GIPC3: variants seen among roughly 807,000 people sequenced by gnomAD.
The protein encoded by GIPC3 is PDZ domain-containing protein GIPC3.
In GIPC3, 16 loss-of-function variants were observed where a neutral mutation model predicts 27.3. The observed-to-expected ratio is 0.59, with a 90% CI of 0.40 to 0.89. The LOEUF is 0.89. Ranked by LOEUF, GIPC3 falls within the 40% of genes least tolerant of loss-of-function variation. The pLI is 0.00. For missense variants in GIPC3, 440 were observed against 442.1 expected, an observed-to-expected ratio of 1.00 and a Z score of 0.04; for synonymous variants, 194 against 184.6, an observed-to-expected ratio of 1.05 and a Z score of -0.41.
rs1189612223 is a variant in GIPC3 at position 3,589,932 on chromosome 19, CA to C, written c.787+21del. The C allele has an allele frequency of 6.2e-7, 1 of 1,613,480 alleles. No individual in the cohort carries two copies. ...AGCTGGGTAAGGGGCCAGGGTAAGC[CA>C]GGGGGCCCTGGGGGGAGGGAAGCCT... On this transcript the variant is annotated intron_variant, in intron 5 of 5. Transcript: ENST00000644452.
Position 3,585,525 on chromosome 19 carries a change from G to C in GIPC3, c.-73G>C. The C allele has an allele frequency of 9.3e-7, 1 of 1,080,280 alleles. No individual in the cohort carries two copies. The allele number at this position is 1,080,280 out of a possible 1,614,324, so 66.9% of individuals were successfully genotyped here. On this transcript the variant is annotated 5_prime_UTR_variant, in exon 1 of 6. Coordinates refer to ENST00000644452, the MANE Select transcript of GIPC3 (RefSeq NM_133261.3). Reference sequence around the variant, plus strand: ...GGCTGTCGCGCCCTGGGCCGGGGGAGGGGAGGCTGCAGGAAGCGGCGGATC... The same window carrying C: ...GGCTGTCGCGCCCTGGGCCGGGGGACGGGAGGCTGCAGGAAGCGGCGGATC...
In GIPC3 at chr19:3,585,726, G is replaced by A; in HGVS notation, c.129G>A (p.Leu43=). Residue 43 remains leucine, a synonymous_variant, in exon 1 of 6, where the codon CTG becomes CTA. Transcript: ENST00000644452. The part of the protein sequence containing the change: ...ARPRLVFRTQ[L]AHGSPTGKIE... ...CGCGCCTCGTCTTCCGCACGCAGCT[G>A]GCGCACGGGAGCCCCACGGGCAAGA... is the stretch of plus-strand genomic sequence containing the variant. The A allele has an allele frequency of 1.3e-6, 2 of 1,522,242 alleles. No homozygotes were observed. The highest frequency in any genetic ancestry group is 1.8e-6 in the Non-Finnish European group (2 of 1,134,028). The allele number at this position is 1,522,242 out of a possible 1,614,324, so 94.3% of individuals were successfully genotyped here. A position where few individuals can be genotyped will look rare whatever the true frequency, so the allele number is the denominator to read the frequency against.
intron 3 of GIPC3, among the ~76,000 whole-genome samples, chr19:3,588,730 G>A (rs2032425114): frequency 6.6e-6 from 1 of 151,724 alleles, no homozygotes; most frequent in African/African-American, 2.4e-5. Flanking sequence ...GCATCACGAG[G>A]TCAGGAGTTC....
rs1177133844 is a variant in GIPC3, at chr19:3,590,527, G to T, written c.*337G>T. ...AGCACTGAGACCAAGCCCTGTTCTA[G>T]AACTCAGGCCTGCTCTGAGGCCAAG... On this transcript the variant is annotated 3_prime_UTR_variant, in exon 6 of 6. Coordinates refer to ENST00000644452, the MANE Select transcript of GIPC3 (RefSeq NM_133261.3). 7.2e-7 allele frequency: 1 copy of T among 1,384,832 alleles called. No homozygotes were observed. Among genetic ancestry groups the T allele is most frequent in the South Asian group, 1.9e-5 (1 of 53,930 alleles). The allele number at this position is 1,384,832 out of a possible 1,614,324, so 85.8% of individuals were successfully genotyped here.
intron 4 of GIPC3, 87 bp from the exon 5 acceptor site, chr19:3,589,744 C>T: frequency 7.5e-7 from 1 of 1,326,702 alleles, no homozygotes; most frequent in East Asian, 2.3e-5. Flanking sequence ...CCAGTCTACT[C>T]TTCCCTTAGG....
In GIPC3 at chr19:3,590,261, C is replaced by A. The variant is rs1319915355; in HGVS notation, c.*71C>A. On this transcript the variant is annotated 3_prime_UTR_variant, in exon 6 of 6. Coordinates refer to ENST00000644452, the MANE Select transcript of GIPC3 (RefSeq NM_133261.3). ...CCCTGCCCCGGCCCTGCTCCAGAAC[C>A]CAGCCCAGATCGGAGGACAAGTTCC... 2 of 1,529,046 alleles carry A rather than the reference C, an allele frequency of 1.3e-6. No homozygotes were observed. Among genetic ancestry groups the A allele is most frequent in the Non-Finnish European group, 1.8e-6 (2 of 1,135,724 alleles). The allele number at this position is 1,529,046 out of a possible 1,614,324, so 94.7% of individuals were successfully genotyped here.
chr19:3,587,072 G>C (rs2032383279), intron 3 of GIPC3, 78 bp downstream of exon 3: 3 of 1,399,664 alleles, frequency 2.1e-6, no homozygotes, highest in Admixed American at 1.9e-5. Context: ...GTCGGGGATG[G>C]GACGGGCTGG....
intron 4 of GIPC3, 31 bp downstream of exon 4, chr19:3,589,586 T>C (rs1308929023): frequency 6.5e-7 from 1 of 1,541,382 alleles, no homozygotes; most frequent in East Asian, 2.2e-5. Context: ...CTCCCCAGGC[T>C]TCTGCACCTT....
At position 3,590,852 on chromosome 19, in the gene GIPC3, A is replaced by G. The variant is rs2032476931; in HGVS notation, c.*662A>G. The stretch of plus-strand genomic sequence containing the variant: ...GCTCTGAGACCATGCCCAGCTCTAG[A>G]ACTCAGATGGGCTCCGAGACCAAGC... On this transcript the variant is annotated 3_prime_UTR_variant, in exon 6 of 6. Coordinates refer to ENST00000644452, the MANE Select transcript of GIPC3 (RefSeq NM_133261.3). 1 of 1,236,958 alleles carries G rather than the reference A, an allele frequency of 8.1e-7. No individual in the cohort carries two copies. The highest frequency in any genetic ancestry group is 1.0e-6 in the Non-Finnish European group (1 of 991,276). 76.6% of individuals were successfully genotyped at this position (1,236,958 alleles called of 1,614,324 possible).
Position 3,586,850 on chromosome 19 carries a change from G to A in GIPC3, c.448G>A (p.Ala150Thr). Residue 150 changes from alanine to threonine, a missense_variant, in exon 3 of 6, where the codon GCA becomes ACA. By Grantham distance (58) the Ala-to-Thr change is moderately conservative. Coordinates refer to ENST00000644452, the MANE Select transcript of GIPC3 (RefSeq NM_133261.3). The part of the protein sequence containing the change: ...KEGSIINRIE[A>T]VCVGDSIEAI... ...AGGCAGTATCATCAACCGGATCGAGGCAGTGTGCGTGGGTGACAGCATCGA... is the reference window on the plus strand; with the variant it reads ...AGGCAGTATCATCAACCGGATCGAGACAGTGTGCGTGGGTGACAGCATCGA... 2 of 1,613,702 alleles carry A rather than the reference G, an allele frequency of 1.2e-6. No individual in the cohort carries two copies. Among genetic ancestry groups the A allele is most frequent in the East Asian group, 4.5e-5 (2 of 44,886 alleles).
chr19:3,588,966 C>G (rs897319671), intron 3 of GIPC3, among the ~76,000 whole-genome samples: 1 of 151,426 alleles, frequency 6.6e-6, no homozygotes, highest in Admixed American at 6.6e-5. Context: ...AAAAATCAAG[C>G]TTAGTCTGAG....
Position 3,585,735 on chromosome 19 carries a change from G to C in GIPC3, c.138G>C (p.Gly46=), listed in dbSNP as rs747564166. 69 of 1,535,934 alleles carry C rather than the reference G, an allele frequency of 4.5e-5. No homozygotes were observed. The highest frequency in any genetic ancestry group is 5.8e-5 in the Non-Finnish European group (66 of 1,140,898). ...RLVFRTQLAH[G]SPTGKIEGFT... ...TCTTCCGCACGCAGCTGGCGCACGGGAGCCCCACGGGCAAGATCGAGGGCT... is the reference window on the plus strand; with the variant it reads ...TCTTCCGCACGCAGCTGGCGCACGGCAGCCCCACGGGCAAGATCGAGGGCT... The change falls in exon 1 of 6, where the codon GGG becomes GGC. Residue 46 remains glycine, a synonymous_variant. Transcript: ENST00000644452.
Position 3,585,783 on chromosome 19 carries a change from C to T in GIPC3, c.186C>T (p.Tyr62=). Residue 62 remains tyrosine (Y), a synonymous_variant, in exon 1 of 6, where the codon TAC becomes TAT. Transcript: ENST00000644452. ...IEGFTNVREL[Y]AKIAEAFGIA... ...GCTTCACCAACGTCCGCGAGCTGTACGCCAAGATCGCCGAAGCCTTCGGGA... is the reference window on the plus strand; with the variant it reads ...GCTTCACCAACGTCCGCGAGCTGTATGCCAAGATCGCCGAAGCCTTCGGGA... The T allele has an allele frequency of 1.9e-6, 3 of 1,547,994 alleles. No homozygotes were observed. Among genetic ancestry groups the T allele is most frequent in the Non-Finnish European group, 1.7e-6 (2 of 1,146,448 alleles).
Position 3,592,742 on chromosome 19 carries a change from A to G in GIPC3, c.*2552A>G, listed in dbSNP as rs1180342436. 1 of 1,231,718 alleles carries G rather than the reference A, an allele frequency of 8.1e-7. No individual in the cohort carries two copies. Among genetic ancestry groups the G allele is most frequent in the Admixed American group, 4.2e-5 (1 of 23,700 alleles). The allele number at this position is 1,231,718 out of a possible 1,614,324, so 76.3% of individuals were successfully genotyped here. On this transcript the variant is annotated 3_prime_UTR_variant, in exon 6 of 6. Transcript: ENST00000644452. Reference sequence around the variant, plus strand: ...GCTCTGAAACCCAGACCGGCTCAAGAATTCAGCCCAGCCCTGGAGCCCACC... The same window carrying G: ...GCTCTGAAACCCAGACCGGCTCAAGGATTCAGCCCAGCCCTGGAGCCCACC...
intron 3 of GIPC3, among the ~76,000 whole-genome samples, chr19:3,588,246 G>A (rs2032413336): frequency 6.6e-6 from 1 of 152,004 alleles, no homozygotes; most frequent in South Asian, 2.1e-4. Context: ...CAGGTGATCT[G>A]CCCGCCTCGG....
At chr19:3,587,783 C>T (rs1361799311) in intron 3 of GIPC3, among the ~76,000 whole-genome samples, 3 of 149,466 alleles carry the variant, frequency 2.0e-5, no homozygotes, top group Non-Finnish European at 4.4e-5. Flanking sequence ...CTCCGCCTCC[C>T]GGGTTCACAC....
Position 3,590,432 on chromosome 19 carries a change from T to C in GIPC3, c.*242T>C. 1 of 1,428,602 alleles carries C rather than the reference T, an allele frequency of 7.0e-7. No individual in the cohort carries two copies. The highest frequency in any genetic ancestry group is 9.1e-7 in the Non-Finnish European group (1 of 1,096,352). 88.5% of individuals were successfully genotyped at this position (1,428,602 alleles called of 1,614,324 possible). On this transcript the variant is annotated 3_prime_UTR_variant, in exon 6 of 6. Transcript: ENST00000644452. ...AGCCCAGCATTGAGAATAAGCTCTGTTCTAAAACTCAGGCCAGCCCTGAGA... is the reference window on the plus strand; with the variant it reads ...AGCCCAGCATTGAGAATAAGCTCTGCTCTAAAACTCAGGCCAGCCCTGAGA...
rs548590267 is a variant in GIPC3, at chr19:3,591,407, G to A, written c.*1217G>A. 2.3e-4 allele frequency: 278 copies of A among 1,231,786 alleles called. 1 individual carries two copies. In the South Asian group the frequency reaches 5.6e-3, roughly 25 times the overall value. The allele number at this position is 1,231,786 out of a possible 1,614,324, so 76.3% of individuals were successfully genotyped here. On this transcript the variant is annotated 3_prime_UTR_variant, in exon 6 of 6. Transcript: ENST00000644452. ...CCAGTTCCAGAATCCAGGCTAGCTCGGAGACCAAGCCCTGCTGGAAAACTC... is the reference window on the plus strand; with the variant it reads ...CCAGTTCCAGAATCCAGGCTAGCTCAGAGACCAAGCCCTGCTGGAAAACTC...
Position 3,585,711 on chromosome 19 carries a change from C to T in GIPC3, c.114C>T (p.Val38=). Residue 38 remains valine (V), a synonymous_variant, in exon 1 of 6, where the codon GTC becomes GTT. Coordinates refer to ENST00000644452, the MANE Select transcript of GIPC3 (RefSeq NM_133261.3). Reference sequence around the variant, plus strand: ...CGCCCCGCGCCCGCCCGCGCCTCGTCTTCCGCACGCAGCTGGCGCACGGGA... The same window carrying T: ...CGCCCCGCGCCCGCCCGCGCCTCGTTTTCCGCACGCAGCTGGCGCACGGGA... The part of the protein sequence containing the change: ...PAAPRARPRL[V]FRTQLAHGSP... 2 of 1,472,294 alleles carry T rather than the reference C, an allele frequency of 1.4e-6. No individual in the cohort carries two copies. The highest frequency in any genetic ancestry group is 5.9e-5 in the East Asian group (2 of 33,928). The allele number at this position is 1,472,294 out of a possible 1,614,324, so 91.2% of individuals were successfully genotyped here.
Sources: gnomAD v4.1 joint callset for allele counts (sites outside exome capture counted in the v4.1 genomes callset) on GRCh38, gnomAD v4.1.1 for gene constraint, MANE v1.5 for transcripts, NCBI Gene and HGNC (gene_info 2026-07-23, HGNC 2026-07-21) for gene names.